The following RNF213 variants were observed in gnomAD, a reference collection of about 807,000 sequenced individuals.
RNF213 encodes ring finger protein 213.
RNF213 carries 341 observed loss-of-function variants against 514.4 expected under a neutral mutation model. The observed-to-expected ratio is 0.66, with a 90% CI of 0.61 to 0.73. The LOEUF is 0.73. Among genes scored for constraint, RNF213 ranks in the 30% least tolerant of loss-of-function variants. The pLI is 0.00. For synonymous variants in RNF213, 2,655 were observed against 2,658.2 expected (o/e 1.00, Z 0.04); for missense variants, 5,767 against 6,615.6 (o/e 0.87, Z 4.45).
intron 37 of RNF213, among the ~76,000 whole-genome samples, 155 bp downstream of exon 37, chr17:80,358,634 G>A (rs1404194230): frequency 6.6e-6 from 1 of 152,166 alleles, no homozygotes; most frequent in East Asian, 1.9e-4. Flanking sequence ...AGTTTGGCCG[G>A]GCATGGTGGC....
chr17:80,334,442 C>A, intron 22 of RNF213, 172 bp downstream of exon 22: 1 of 655,302 alleles, frequency 1.5e-6, no homozygotes. Flanking sequence ...ATAGAGTTCA[C>A]ACCGGTACAG....
intron 8 of RNF213, among the ~76,000 whole-genome samples, chr17:80,293,708 T>C (rs2044827056): frequency 1.3e-5 from 2 of 151,978 alleles, no homozygotes; most frequent in African/African-American, 4.8e-5. Context: ...GCGCCTGTAG[T>C]CCCAGCTACT....
intron 32 of RNF213, 114 bp downstream of exon 32, chr17:80,351,917 C>T (rs1230834754): frequency 2.7e-5 from 17 of 636,532 alleles, no homozygotes; most frequent in East Asian, 9.7e-5. Context: ...TGCAGTGGCG[C>T]GATCTCAGCT....
rs1295098712 is a variant in RNF213 at position 80,349,857 on chromosome 17, C to T, written c.10039C>T (p.Leu3347=). 6.8e-6 allele frequency: 11 copies of T among 1,614,028 alleles called. No individual in the cohort carries two copies. Among genetic ancestry groups the T allele is most frequent in the Non-Finnish European group, 7.6e-6 (9 of 1,180,036 alleles). ...AGGCAGGGCTCCGAAACCCACACTCCTGTGGCTGCAGCAGTTTGACACCGA... is the reference window on the plus strand; with the variant it reads ...AGGCAGGGCTCCGAAACCCACACTCTTGTGGCTGCAGCAGTTTGACACCGA... The part of the protein sequence containing the change: ...VTGRAPKPTL[L]WLQQFDTEYS... The change falls in exon 30 of 68, where the codon CTG becomes TTG. Residue 3347 remains leucine (L), a synonymous_variant. Transcript: ENST00000582970.
Position 80,340,002 on chromosome 17 carries a change from C to T in RNF213, c.5635C>T (p.Arg1879Cys), listed in dbSNP as rs776910365. 58 of 1,538,610 alleles carry T rather than the reference C, an allele frequency of 3.8e-5. No homozygotes were observed. Among genetic ancestry groups the T allele is most frequent in the Middle Eastern group, 3.3e-4 (2 of 6,010 alleles). The change falls in exon 26 of 68, where the codon CGC becomes TGC. Residue 1879 changes from arginine (R) to cysteine (C), a missense_variant. Physicochemically the swap from Arg to Cys is radical, Grantham distance 180 (BLOSUM62 -3). Coordinates refer to ENST00000582970, the MANE Select transcript of RNF213 (RefSeq NM_001256071.3). The part of the protein sequence containing the change: ...TTFEEVALLL[R>C]RCLTLGSLGH... Reference sequence around the variant, plus strand: ...CTTTGAGGAGGTGGCACTGTTGCTGCGCCGCTGCCTGACCCTGGGCTCCCT... The same window carrying T: ...CTTTGAGGAGGTGGCACTGTTGCTGTGCCGCTGCCTGACCCTGGGCTCCCT...
chr17:80,347,773 C>G lies in RNF213; in HGVS notation c.9438C>G (p.Phe3146Leu). ...TCAAATGTCGGGTTCACCCCAACTT[C>G]CGCCTGATTGTCATTGAAGAGAAAG... is the stretch of plus-strand genomic sequence containing the variant. ...HRVKCRVHPNFRLIVIEEKDV... is the reference protein window; with the variant it reads ...HRVKCRVHPNLRLIVIEEKDV... The change falls in exon 29 of 68, where the codon TTC becomes TTG. Residue 3146 changes from phenylalanine to leucine, a missense_variant. Coordinates refer to ENST00000582970, the MANE Select transcript of RNF213 (RefSeq NM_001256071.3). This position sits in a 1 kb window ranked among gnomAD's most constrained non-coding sequence, Gnocchi z 7.2. 1.2e-6 allele frequency: 2 copies of G among 1,614,222 alleles called. No individual in the cohort carries two copies. Among genetic ancestry groups the G allele is most frequent in the South Asian group, 1.1e-5 (1 of 91,090 alleles).
chr17:80,390,197 G>A lies in RNF213; in HGVS notation c.15470+1G>A. On this transcript the variant is annotated splice_donor_variant, in intron 67 of 67. Coordinates refer to ENST00000582970, the MANE Select transcript of RNF213 (RefSeq NM_001256071.3). LOFTEE classifies it high-confidence loss of function. The stretch of plus-strand genomic sequence containing the variant: ...AGGAGCGCTTCCGCCCTCAGTGGAG[G>A]TATGGATTTGCACACCTATGGGGCG... 1 of 1,613,976 alleles carries A rather than the reference G, an allele frequency of 6.2e-7. No homozygotes were observed. Among genetic ancestry groups the A allele is most frequent in the Non-Finnish European group, 8.5e-7 (1 of 1,180,000 alleles).
chr17:80,302,181 C>T (rs935421500), intron 11 of RNF213, among the ~76,000 whole-genome samples: 17 of 152,086 alleles, frequency 1.1e-4, no homozygotes, highest in African/African-American at 4.1e-4. Context: ...AAAAGTATGG[C>T]TAGATAGGAC....
At chr17:80,335,309 G>A (rs968471627) in intron 22 of RNF213, among the ~76,000 whole-genome samples, 6 of 152,134 alleles carry the variant, frequency 3.9e-5, no homozygotes, top group African/African-American at 1.2e-4. Context: ...CTTAGATGTC[G>A]TTGGCAGAGG....
At position 80,317,717 on chromosome 17, in the gene RNF213, C is replaced by T. The variant is rs1039972857; in HGVS notation, c.2901+440C>T. Among the ~76,000 whole-genome samples the T allele has an allele frequency of 1.3e-5, 2 of 152,204 alleles. No homozygotes were observed. Among genetic ancestry groups the T allele is most frequent in the Non-Finnish European group, 2.9e-5 (2 of 68,032 alleles). Reference sequence around the variant, plus strand: ...GAGGTGCCTGCAACCCCCGAAGCTCCAGAGGGCATGTTACAGTGCTCTCTT... The same window carrying T: ...GAGGTGCCTGCAACCCCCGAAGCTCTAGAGGGCATGTTACAGTGCTCTCTT... On this transcript the variant is annotated intron_variant, in intron 16 of 67. Transcript: ENST00000582970. This position sits in a 1 kb window ranked among gnomAD's most constrained non-coding sequence, Gnocchi z 4.1.
chr17:80,385,085 TG>T lies in RNF213; in HGVS notation c.14370del (p.Leu4790PhefsTer5). 1 of 1,614,198 alleles carries T rather than the reference TG, an allele frequency of 6.2e-7. No individual in the cohort carries two copies. The highest frequency in any genetic ancestry group is 8.5e-7 in the Non-Finnish European group (1 of 1,180,038). The part of the protein sequence containing the change: ...LVKFLPEILA[L>X]QRDLVKQFQN... ...AAGTTCCTGCCTGAGATTTTGGCCT[TG>T]CAAAGGGATCTAGTGAAGCAGTTCC... is the stretch of plus-strand genomic sequence containing the variant. On this transcript the variant is annotated frameshift_variant, in exon 60 of 68. Transcript: ENST00000582970. LOFTEE classifies it high-confidence loss of function.
At chr17:80,391,760 CTTTTTTTTT>C (rs779136667) in intron 67 of RNF213, among the ~76,000 whole-genome samples, 3 of 88,634 alleles carry the variant, frequency 3.4e-5, no homozygotes, top group Non-Finnish European at 4.5e-5. Context: ...ATAAACTAGC[CTTTTTTTTT>C]TTTTTTTTTT....
chr17:80,273,364 C>T lies in RNF213; in HGVS notation c.221C>T (p.Pro74Leu). 1 of 1,613,274 alleles carries T rather than the reference C, an allele frequency of 6.2e-7. No individual in the cohort carries two copies. Among genetic ancestry groups the T allele is most frequent in the Non-Finnish European group, 8.5e-7 (1 of 1,179,990 alleles). ...FPGSDSWQEN[P>L]EEPCSKASWT... ...GGCTCAGACAGTTGGCAAGAAAACCCCGAGGAGCCCTGTTCCAAAGCCTCC... is the reference window on the plus strand; with the variant it reads ...GGCTCAGACAGTTGGCAAGAAAACCTCGAGGAGCCCTGTTCCAAAGCCTCC... The change falls in exon 3 of 68, where the codon CCC (proline) becomes CTC (leucine). Residue 74 changes from proline to leucine, a missense_variant. Coordinates refer to ENST00000582970, the MANE Select transcript of RNF213 (RefSeq NM_001256071.3).
chr17:80,350,002 C>T lies in RNF213; in HGVS notation c.10088+96C>T, dbSNP rs921653727. On this transcript the variant is annotated intron_variant, in intron 30 of 67. Transcript: ENST00000582970. Reference sequence around the variant, plus strand: ...GGTACCCGCGCCGGTTAATGAGCGCCACAGTCACGTGACTGTGAAATAGAT... The same window carrying T: ...GGTACCCGCGCCGGTTAATGAGCGCTACAGTCACGTGACTGTGAAATAGAT... 4 of 1,334,200 alleles carry T rather than the reference C, an allele frequency of 3.0e-6. No homozygotes were observed. In the African/African-American group the frequency reaches 5.8e-5, roughly 19 times the overall value. The allele number at this position is 1,334,200 out of a possible 1,614,324, so 82.6% of individuals were successfully genotyped here.
intron 3 of RNF213, among the ~76,000 whole-genome samples, chr17:80,273,816 C>T (rs1251309236): frequency 2.0e-5 from 3 of 151,970 alleles, no homozygotes; most frequent in Non-Finnish European, 2.9e-5. Flanking sequence ...GACGGGGTTT[C>T]ACCATGTTGG....
chr17:80,269,869 G>A (rs1259638660), intron 2 of RNF213, among the ~76,000 whole-genome samples: 1 of 152,190 alleles, frequency 6.6e-6, no homozygotes, highest in Non-Finnish European at 1.5e-5. Flanking sequence ...AGTATTTAAT[G>A]AGTTAACATG....
intron 59 of RNF213, among the ~76,000 whole-genome samples, chr17:80,384,581 G>T (rs2080158552): frequency 6.6e-6 from 1 of 152,120 alleles, no homozygotes; most frequent in African/African-American, 2.4e-5. Flanking sequence ...TGACAGGAAG[G>T]ACTTCCTGTC....
intron 29 of RNF213, 107 bp from the exon 30 acceptor site, chr17:80,349,663 G>A: frequency 1.6e-6 from 2 of 1,237,636 alleles, no homozygotes; most frequent in Non-Finnish European, 2.4e-6. Flanking sequence ...TGTGGCAACT[G>A]CACCGCGCTG....
intron 49 of RNF213, among the ~76,000 whole-genome samples, chr17:80,374,147 A>G (rs1019355240): frequency 2.6e-5 from 4 of 152,048 alleles, no homozygotes; most frequent in African/African-American, 7.3e-5. Context: ...CCTGGGGTTT[A>G]GAGTTGACAT....
Sources: allele counts gnomAD v4.1 joint callset (sites outside exome capture counted in the v4.1 genomes callset), GRCh38; gene constraint gnomAD v4.1.1; non-coding constraint Gnocchi (gnomAD v3.1); transcripts MANE v1.5; gene names NCBI Gene and HGNC (gene_info 2026-07-23, HGNC 2026-07-21).